The following REC8 variants were observed in gnomAD, a reference collection of about 807,000 sequenced individuals.
REC8 encodes the protein REC8 meiotic recombination protein.
Under a neutral mutation model 78.3 loss-of-function variants are expected in REC8, and 42 were observed. The observed-to-expected ratio is 0.54, with a 90% CI of 0.42 to 0.69. The LOEUF is 0.69. Among genes scored for constraint, REC8 ranks in the 30% least tolerant of loss-of-function variants. The probability of loss-of-function intolerance (pLI) is 0.00; values close to 1 mark genes in which losing one functional copy is unlikely to be tolerated. For missense variants in REC8, 581 were observed against 715.8 expected (o/e 0.81, Z 2.15); for synonymous variants, 268 against 274.1 (o/e 0.98, Z 0.22).
intron 13 of REC8, 31 bp downstream of exon 13, chr14:24,178,703 T>C (rs768274836): frequency 6.2e-7 from 1 of 1,613,726 alleles, no homozygotes; most frequent in Non-Finnish European, 8.5e-7. Flanking sequence ...GCACGAAGTA[T>C]CCTCAAAACC....
Position 24,175,636 on chromosome 14 carries a change from G to C in REC8, c.544+12G>C. ...GCCCAGGGAGCCAGGTCAGCAGAGA[G>C]AACCTTCTTTCTGGTGAGAGGCATA... On this transcript the variant is annotated intron_variant, in intron 6 of 18. Coordinates refer to ENST00000611366, the MANE Select transcript of REC8 (RefSeq NM_001048205.2). 6.2e-7 allele frequency: 1 copy of C among 1,606,966 alleles called. No homozygotes were observed. The highest frequency in any genetic ancestry group is 8.5e-7 in the Non-Finnish European group (1 of 1,173,730).
chr14:24,177,215 G>A lies in REC8; in HGVS notation c.699G>A (p.Leu233=), dbSNP rs1387504462. The A allele has an allele frequency of 6.2e-7, 1 of 1,614,132 alleles. No homozygotes were observed. Among genetic ancestry groups the A allele is most frequent in the East Asian group, 2.2e-5 (1 of 44,886 alleles). ...TCGCAGAGGAAGAAGAAGCTATCTT[G>A]TTAGAAAGTAGGTGTCTCCGGCAGC... ...LLIAEEEEAI[L]LEIPRLPPPA... is the part of the protein sequence containing the mutation. The change falls in exon 8 of 19, where the codon TTG becomes TTA. Residue 233 remains leucine (L), a synonymous_variant. Transcript: ENST00000611366.
chr14:24,179,709 A>C lies in REC8; in HGVS notation c.1434A>C (p.Ser478=), dbSNP rs1372079478. 3 of 1,614,184 alleles carry C rather than the reference A, an allele frequency of 1.9e-6. No individual in the cohort carries two copies. The East Asian group carries it at 6.7e-5, about 36-fold the overall frequency. The part of the protein sequence containing the change: ...LVLPPELELL[S]LEAVHRAVAL... ...TGCCCCCAGAGCTCGAGCTGCTCTCACTGGAAGCAGTGCACAGGTACCAGG... is the reference window on the plus strand; with the variant it reads ...TGCCCCCAGAGCTCGAGCTGCTCTCCCTGGAAGCAGTGCACAGGTACCAGG... The change falls in exon 17 of 19, where the codon TCA becomes TCC. Residue 478 remains serine, a synonymous_variant. Coordinates refer to ENST00000611366, the MANE Select transcript of REC8 (RefSeq NM_001048205.2).
chr14:24,178,287 GC>G, intron 12 of REC8, 65 bp downstream of exon 12: 2 of 1,447,206 alleles, frequency 1.4e-6, no homozygotes, highest in South Asian at 2.4e-5. Context: ...GCACATGCAG[GC>G]TGAGCCTTCC....
Position 24,179,685 on chromosome 14 carries a change from G to T in REC8, c.1410G>T (p.Leu470=). The T allele has an allele frequency of 6.2e-7, 1 of 1,614,218 alleles. No homozygotes were observed. Among genetic ancestry groups the T allele is most frequent in the Non-Finnish European group, 8.5e-7 (1 of 1,180,042 alleles). ...TGCCCATGGAGATGCCTTTGGTGCT[G>T]CCCCCAGAGCTCGAGCTGCTCTCAC... ...PEVPMEMPLV[L]PPELELLSLE... Residue 470 remains leucine, a synonymous_variant, in exon 17 of 19, where the codon CTG becomes CTT. Transcript: ENST00000611366.
At chr14:24,176,790 CAG>C (rs1298973313) in intron 6 of REC8, 30 bp from the exon 7 acceptor site, 3 of 1,533,828 alleles carry the variant, frequency 2.0e-6, no homozygotes, top group African/African-American at 2.7e-5. Flanking sequence ...TGGAAAGAAG[CAG>C]AGAGGCTAGT....
At chr14:24,176,520 T>C (rs2038907791) in intron 6 of REC8, among the ~76,000 whole-genome samples, 1 of 151,956 alleles carries the variant, frequency 6.6e-6, no homozygotes, top group Non-Finnish European at 1.5e-5. Context: ...GTTTTTAAAT[T>C]TTTTGTAGAG....
chr14:24,176,107 C>T (rs1194470561), intron 6 of REC8, among the ~76,000 whole-genome samples: 1 of 151,922 alleles, frequency 6.6e-6, no homozygotes, highest in South Asian at 2.1e-4. Flanking sequence ...CACTCTCTAG[C>T]CCAGGCTGGA....
At chr14:24,176,762 T>C in intron 6 of REC8, 60 bp from the exon 7 acceptor site, 2 of 1,338,864 alleles carry the variant, frequency 1.5e-6, no homozygotes, top group Non-Finnish European at 2.1e-6. Context: ...TTTCCTTAAC[T>C]GCATGGCTGT....
chr14:24,172,763 T>C lies in REC8; in HGVS notation c.107T>C (p.Val36Ala). 1 of 1,613,298 alleles carries C rather than the reference T, an allele frequency of 6.2e-7. No homozygotes were observed. The highest frequency in any genetic ancestry group is 8.5e-7 in the Non-Finnish European group (1 of 1,179,894). ...TTGGTGAAGCGCGAATACCTGAGGG[T>C]GAATGTGGTGAAAACCTGGTAAGGC... ...SRLVKREYLRVNVVKTCEEIL... is the reference protein window; with the variant it reads ...SRLVKREYLRANVVKTCEEIL... The change falls in exon 2 of 19, where the codon GTG (valine) becomes GCG (alanine). Residue 36 changes from valine (V) to alanine (A), a missense_variant. Coordinates refer to ENST00000611366, the MANE Select transcript of REC8 (RefSeq NM_001048205.2).
chr14:24,174,190 G>A (rs1261828131), intron 5 of REC8, among the ~76,000 whole-genome samples: 2 of 152,014 alleles, frequency 1.3e-5, no homozygotes. Context: ...CGCCTTATCG[G>A]CCAGGCTGGT....
In REC8 at chr14:24,178,111, A is replaced by G; in HGVS notation, c.885A>G (p.Pro295=). ...PSPERRPPVP[P]PPRRRRRRRL... is the part of the protein sequence containing the mutation. ...AACAGAGGAGGCCCCCAGTCCCCCC[A>G]CCTCCTCGCCGCCGCCGTCGTCGCC... Residue 295 remains proline, a synonymous_variant, in exon 12 of 19, where the codon CCA becomes CCG. Transcript: ENST00000611366. 1 of 1,612,640 alleles carries G rather than the reference A, an allele frequency of 6.2e-7. No individual in the cohort carries two copies. The highest frequency in any genetic ancestry group is 8.5e-7 in the Non-Finnish European group (1 of 1,179,394).
At chr14:24,173,265 C>G (rs1236281072) in intron 4 of REC8, 26 bp from the exon 5 acceptor site, 3 of 1,614,124 alleles carry the variant, frequency 1.9e-6, no homozygotes, top group Non-Finnish European at 2.5e-6. Context: ...CAGCCTCAGT[C>G]CTTCACGGCC....
intron 11 of REC8, 140 bp from the exon 12 acceptor site, chr14:24,177,951 C>A: frequency 6.6e-7 from 1 of 1,511,330 alleles, no homozygotes; most frequent in East Asian, 2.3e-5. Context: ...GTATGAGCTG[C>A]TCAAGTGCAT....
At chr14:24,179,000 A>T in intron 14 of REC8, 84 bp downstream of exon 14, 1 of 1,597,268 alleles carries the variant, frequency 6.3e-7, no homozygotes, top group Non-Finnish European at 8.6e-7. Context: ...TATGAGAGCC[A>T]ACAGCACAGG....
rs1210004356 is a variant in REC8, at chr14:24,177,084, T to G, written c.625-57T>G. The stretch of plus-strand genomic sequence containing the variant: ...CTGGGATCCACTCTCCTGGATCCAC[T>G]TGCCTTTTTCAGAAATATTATTGAA... On this transcript the variant is annotated intron_variant, in intron 7 of 18. Transcript: ENST00000611366. 3 of 1,556,402 alleles carry G rather than the reference T, an allele frequency of 1.9e-6. No homozygotes were observed. The African/African-American group carries it at 4.1e-5, about 21-fold the overall frequency.
chr14:24,179,706 C>G lies in REC8; in HGVS notation c.1431C>G (p.Leu477=), dbSNP rs776321502. 1.9e-6 allele frequency: 3 copies of G among 1,614,254 alleles called. No homozygotes were observed. The highest frequency in any genetic ancestry group is 2.2e-5 in the South Asian group (2 of 91,090). ...TGCTGCCCCCAGAGCTCGAGCTGCT[C>G]TCACTGGAAGCAGTGCACAGGTACC... The part of the protein sequence containing the change: ...PLVLPPELEL[L]SLEAVHRAVA... Residue 477 remains leucine, a synonymous_variant, in exon 17 of 19, where the codon CTC becomes CTG. Transcript: ENST00000611366.
rs1383203124 is a variant in REC8 at position 24,177,347 on chromosome 14, C to T, written c.707-6C>T. Reference sequence around the variant, plus strand: ...TGTCCTCTGAACTCTGATTCTCTCTCCACAGTCCCGCGGCTCCCACCTCCA... The same window carrying T: ...TGTCCTCTGAACTCTGATTCTCTCTTCACAGTCCCGCGGCTCCCACCTCCA... On this transcript the variant is annotated splice_region_variant and splice_polypyrimidine_tract_variant and intron_variant, in intron 8 of 18. Transcript: ENST00000611366. The T allele has an allele frequency of 1.2e-6, 2 of 1,614,174 alleles. No homozygotes were observed. The highest frequency in any genetic ancestry group is 4.5e-5 in the East Asian group (2 of 44,880).
rs2039093774 is a variant in REC8 at position 24,179,996 on chromosome 14, C to G, written c.1559-14C>G. On this transcript the variant is annotated splice_polypyrimidine_tract_variant and intron_variant, in intron 18 of 18. Coordinates refer to ENST00000611366, the MANE Select transcript of REC8 (RefSeq NM_001048205.2). ...GGACTCCCCCGACCTGCCCTCTCCT[C>G]GCCTCTTGACCAGTGCTCTCAGCGC... The G allele has an allele frequency of 6.2e-7, 1 of 1,614,030 alleles. No individual in the cohort carries two copies. The highest frequency in any genetic ancestry group is 1.3e-5 in the African/African-American group (1 of 74,912).
Sources: allele counts gnomAD v4.1 joint callset (sites outside exome capture counted in the v4.1 genomes callset), GRCh38; gene constraint gnomAD v4.1.1; transcripts MANE v1.5; gene names NCBI Gene and HGNC (gene_info 2026-07-23, HGNC 2026-07-21).